Variants in DENND1A observed in about 807,000 individuals in gnomAD.
DENND1A encodes the protein DENN domain-containing protein 1A.
Under a neutral mutation model 113.7 loss-of-function variants are expected in DENND1A, and 51 were observed. The ratio of observed to expected loss-of-function variants is 0.45; its 90% CI spans 0.36 to 0.57. The LOEUF is 0.57. Among genes scored for constraint, DENND1A ranks in the 20% least tolerant of loss-of-function variants. The probability of loss-of-function intolerance (pLI) is 0.00; values close to 1 mark genes in which losing one functional copy is unlikely to be tolerated. For synonymous variants in DENND1A, 565 were observed against 570.8 expected (o/e 0.99, Z 0.14); for missense variants, 1,258 against 1,395.9 (o/e 0.90, Z 1.57).
At chr9:123,552,680 C>A (rs1454259992) in intron 13 of DENND1A, among the ~76,000 whole-genome samples, 1 of 152,240 alleles carries the variant, frequency 6.6e-6, no homozygotes, top group East Asian at 1.9e-4. Flanking sequence ...CATACCTGGC[C>A]TTCTACCCTG....
intron 2 of DENND1A, among the ~76,000 whole-genome samples, chr9:123,809,796 G>A (rs1044805564): frequency 6.6e-6 from 1 of 152,114 alleles, no homozygotes; most frequent in African/African-American, 2.4e-5. Flanking sequence ...TCAGCCTCCA[G>A]AGTAGCTGGG....
At chr9:123,659,880 C>A (rs983376691) in intron 8 of DENND1A, among the ~76,000 whole-genome samples, 1 of 152,184 alleles carries the variant, frequency 6.6e-6, no homozygotes, top group East Asian at 1.9e-4. Context: ...GATTAATATG[C>A]AAATTTCAAC....
chr9:123,818,513 T>TAC (rs1564332712), intron 2 of DENND1A, among the ~76,000 whole-genome samples: 1 of 29,098 alleles, frequency 3.4e-5, no homozygotes, highest in Non-Finnish European at 9.7e-5. Context: ...TATATATACA[T>TAC]ACATATACAC....
At chr9:123,650,170 C>T (rs72757129) in intron 9 of DENND1A, among the ~76,000 whole-genome samples, 2,919 of 152,028 alleles carry the variant, frequency 0.019, 39 homozygotes, top group Middle Eastern at 0.051. Flanking sequence ...GGTGTTTGTG[C>T]CCTGAAATTA....
intron 5 of DENND1A, among the ~76,000 whole-genome samples, chr9:123,681,052 G>C (rs1343093162): frequency 1.3e-5 from 2 of 152,112 alleles, no homozygotes; most frequent in African/African-American, 4.8e-5. Context: ...TAGTGTGCTG[G>C]GGCCCAAGCA....
intron 11 of DENND1A, among the ~76,000 whole-genome samples, chr9:123,606,772 A>G (rs75486609): frequency 6.6e-6 from 1 of 152,176 alleles, no homozygotes; most frequent in Non-Finnish European, 1.5e-5. Context: ...TGCTGAGGAC[A>G]CCACAGTGAA....
chr9:123,426,669 C>T (rs1285014910), intron 19 of DENND1A, among the ~76,000 whole-genome samples: 1 of 152,220 alleles, frequency 6.6e-6, no homozygotes, highest in Non-Finnish European at 1.5e-5. Flanking sequence ...AGCCATTCTG[C>T]AGCCAGCCTA....
intron 10 of DENND1A, among the ~76,000 whole-genome samples, chr9:123,617,472 G>A (rs1004080551): frequency 1.2e-4 from 19 of 152,162 alleles, no homozygotes; most frequent in African/African-American, 4.1e-4. Context: ...GTGGCTTCCT[G>A]GGGTAACCTA....
intron 9 of DENND1A, among the ~76,000 whole-genome samples, chr9:123,645,081 AC>A (rs760381733): frequency 2.0e-5 from 3 of 152,238 alleles, no homozygotes; most frequent in Admixed American, 6.5e-5. Flanking sequence ...CAATCAATAT[AC>A]ATTAACTGAG....
At chr9:123,593,320 G>A (rs2059543627) in intron 11 of DENND1A, among the ~76,000 whole-genome samples, 2 of 152,162 alleles carry the variant, frequency 1.3e-5, no homozygotes, top group Non-Finnish European at 2.9e-5. Flanking sequence ...GTTACATAGG[G>A]TTGTGAGAGG....
At chr9:123,706,954 C>A (rs1233286923) in intron 5 of DENND1A, among the ~76,000 whole-genome samples, 1 of 152,018 alleles carries the variant, frequency 6.6e-6, no homozygotes, top group Non-Finnish European at 1.5e-5. Flanking sequence ...AAATGCCTAT[C>A]AGATAGCCAA....
intron 19 of DENND1A, among the ~76,000 whole-genome samples, chr9:123,420,202 A>T (rs773679802): frequency 6.6e-6 from 1 of 152,212 alleles, no homozygotes; most frequent in Non-Finnish European, 1.5e-5. Context: ...GGGAGGGGCC[A>T]GGTATTACTC....
At chr9:123,390,582 C>T (rs2042788091) in intron 21 of DENND1A, among the ~76,000 whole-genome samples, 1 of 152,236 alleles carries the variant, frequency 6.6e-6, no homozygotes, top group African/African-American at 2.4e-5. Flanking sequence ...ATGAGTCCAC[C>T]CATCCATCTG....
At chr9:123,900,376 A>G (rs1047062246) in intron 1 of DENND1A, among the ~76,000 whole-genome samples, 1 of 152,230 alleles carries the variant, frequency 6.6e-6, no homozygotes, top group Non-Finnish European at 1.5e-5. Flanking sequence ...AGAGGCTCAC[A>G]GTACCTGACT....
At chr9:123,511,956 T>C (rs775046003) in intron 13 of DENND1A, among the ~76,000 whole-genome samples, 1 of 152,134 alleles carries the variant, frequency 6.6e-6, no homozygotes, top group Non-Finnish European at 1.5e-5. Flanking sequence ...GTGGAAGCCG[T>C]GTGCAGTCAA....
chr9:123,662,520 G>A (rs141988374), intron 8 of DENND1A, among the ~76,000 whole-genome samples: 1 of 152,284 alleles, frequency 6.6e-6, no homozygotes, highest in East Asian at 1.9e-4. Flanking sequence ...CCGAGATTGT[G>A]CCACTGCACT....
chr9:123,447,749 T>A (rs940563198), intron 18 of DENND1A, among the ~76,000 whole-genome samples: 1 of 151,234 alleles, frequency 6.6e-6, no homozygotes, highest in Non-Finnish European at 1.5e-5. Flanking sequence ...ACGAGGTACA[T>A]TCGTTGCCAG....
chr9:123,530,426 A>C (rs2055202578), intron 13 of DENND1A, among the ~76,000 whole-genome samples: 2 of 152,334 alleles, frequency 1.3e-5, no homozygotes, highest in Non-Finnish European at 2.9e-5. Flanking sequence ...AATAATTGTC[A>C]ATGTACCGTT....
intron 18 of DENND1A, among the ~76,000 whole-genome samples, chr9:123,448,879 A>T (rs972771319): frequency 2.6e-5 from 4 of 152,220 alleles, no homozygotes; most frequent in African/African-American, 9.7e-5. Context: ...GACTTCAGAA[A>T]ATTAAAACTG....
Sources: gnomAD v4.1 joint callset for allele counts (sites outside exome capture counted in the v4.1 genomes callset) on GRCh38, gnomAD v4.1.1 for gene constraint, MANE v1.5 for transcripts, NCBI Gene and HGNC (gene_info 2026-07-23, HGNC 2026-07-21) for gene names.